Variants in MTHFD2L observed in about 807,000 individuals in gnomAD.
MTHFD2L encodes bifunctional methylenetetrahydrofolate dehydrogenase/cyclohydrolase 2, mitochondrial.
MTHFD2L carries 29 observed loss-of-function variants against 34.9 expected under a neutral mutation model. The ratio of observed to expected loss-of-function variants is 0.83; its 90% CI spans 0.62 to 1.13. The LOEUF is 1.13. Ranked by LOEUF, MTHFD2L falls within the 50% of genes most tolerant of loss-of-function variation. MTHFD2L has a pLI of 0.00. For synonymous variants in MTHFD2L, 167 were observed against 155.7 expected, an observed-to-expected ratio of 1.07 and a Z score of -0.54; for missense variants, 481 against 446.5, an observed-to-expected ratio of 1.08 and a Z score of -0.70.
chr4:74,289,382 A>G (rs1432604636), intron 7 of MTHFD2L, among the ~76,000 whole-genome samples: 3 of 152,124 alleles, frequency 2.0e-5, no homozygotes, highest in African/African-American at 7.2e-5. Context: ...GGCGGTTTTT[A>G]TGAGCTGCAA....
At chr4:74,209,032 T>C (rs773641737) in intron 5 of MTHFD2L, among the ~76,000 whole-genome samples, 1 of 151,704 alleles carries the variant, frequency 6.6e-6, no homozygotes, top group Non-Finnish European at 1.5e-5. Flanking sequence ...CCATTTGGAG[T>C]ATGATGGCCT....
At position 74,199,932 on chromosome 4, in the gene MTHFD2L, T is replaced by G. The variant is rs754197550; in HGVS notation, c.590T>G (p.Ile197Arg). 13 of 1,613,880 alleles carry G rather than the reference T, an allele frequency of 8.1e-6. No individual in the cohort carries two copies. In the South Asian group the frequency reaches 1.3e-4, roughly 16 times the overall value. The change falls in exon 4 of 8, where the codon ATA becomes AGA. Residue 197 changes from isoleucine (I) to arginine (R), a missense_variant. Transcript: ENST00000325278. The stretch of plus-strand genomic sequence containing the variant: ...GCCACTGCCAGTGCTGTTTGGGAAA[T>G]AATAAAAAGAACAGGTTGGTAATTT... ...IPATASAVWEIIKRTGIQTFG... is the reference protein window; with the variant it reads ...IPATASAVWERIKRTGIQTFG...
chr4:74,254,827 T>C (rs2110207695), intron 6 of MTHFD2L, among the ~76,000 whole-genome samples: 1 of 15,682 alleles, frequency 6.4e-5, no homozygotes. Flanking sequence ...AAAGTAAAAG[T>C]AATTAGCTGC....
intron 6 of MTHFD2L, among the ~76,000 whole-genome samples, chr4:74,227,087 C>T (rs1008886255): frequency 1.3e-5 from 2 of 152,028 alleles, no homozygotes; most frequent in Non-Finnish European, 2.9e-5. Context: ...GATGGCCTCA[C>T]CTGTGTTCCT....
chr4:74,280,814 C>T (rs1289877675), intron 6 of MTHFD2L, among the ~76,000 whole-genome samples: 1 of 151,634 alleles, frequency 6.6e-6, no homozygotes, highest in African/African-American at 2.4e-5. Context: ...ATACGGACAT[C>T]GTGATTCAAA....
rs150013939 is a variant in MTHFD2L, at chr4:74,127,661, T to G, written c.-297+2144T>G. Among the ~76,000 whole-genome samples the G allele has an allele frequency of 3.7e-3, 567 of 152,278 alleles. 5 individuals carry two copies. Among genetic ancestry groups the G allele is most frequent in the African/African-American group, 0.013 (535 of 41,562 alleles). The stretch of plus-strand genomic sequence containing the variant: ...TATACACTCATCCATTGATGGACAC[T>G]TAGGTTGATTACATATTTTGTCTAT... On this transcript the variant is annotated intron_variant, in intron 1 of 7. Transcript: ENST00000433372.
chr4:74,301,238 T>TTGAAA (rs1750277480), intron 7 of MTHFD2L, among the ~76,000 whole-genome samples: 1 of 152,104 alleles, frequency 6.6e-6, no homozygotes, highest in South Asian at 2.1e-4. Flanking sequence ...TAGACTTGAA[T>TTGAAA]TGAAATGTAT....
chr4:74,157,601 C>G (rs1248250511), upstream of MTHFD2L: 1 of 453,096 alleles, frequency 2.2e-6, no homozygotes, highest in African/African-American at 2.0e-5. Context: ...AAGTCCAGAC[C>G]TTCCTTGTTC....
chr4:74,128,964 G>T (rs1032636645), intron 1 of MTHFD2L, among the ~76,000 whole-genome samples: 1 of 152,030 alleles, frequency 6.6e-6, no homozygotes, highest in Non-Finnish European at 1.5e-5. Context: ...GTTGTTCTGA[G>T]ACTCTTCTCT....
intron 7 of MTHFD2L, among the ~76,000 whole-genome samples, chr4:74,283,231 G>A (rs1393212246): frequency 1.3e-5 from 2 of 152,124 alleles, no homozygotes; most frequent in Non-Finnish European, 2.9e-5. Context: ...TTCTCTCATA[G>A]AGTATTTTTT....
At chr4:74,293,485 A>C in intron 7 of MTHFD2L, 1 of 978,934 alleles carries the variant, frequency 1.0e-6, no homozygotes, top group Non-Finnish European at 1.2e-6. Flanking sequence ...ATTACTGACC[A>C]CAGGATGCCA....
chr4:74,129,949 T>C (rs989904977), intron 1 of MTHFD2L, among the ~76,000 whole-genome samples: 1 of 152,048 alleles, frequency 6.6e-6, no homozygotes, highest in African/African-American at 2.4e-5. Context: ...CAGAGAATAC[T>C]ATAAACACCT....
intron 3 of MTHFD2L, among the ~76,000 whole-genome samples, chr4:74,198,559 T>C (rs907016728): frequency 4.6e-5 from 7 of 152,154 alleles, no homozygotes; most frequent in African/African-American, 1.7e-4. Flanking sequence ...GCGTGAGTGG[T>C]AGGTGATTTA....
chr4:74,248,045 A>G (rs1742746122), intron 6 of MTHFD2L, among the ~76,000 whole-genome samples: 1 of 152,096 alleles, frequency 6.6e-6, no homozygotes, highest in Admixed American at 6.6e-5. Flanking sequence ...GAATAGTTTC[A>G]GAAGGAATGG....
intron 5 of MTHFD2L, among the ~76,000 whole-genome samples, chr4:74,211,325 A>G (rs1308207334): frequency 6.6e-6 from 1 of 152,202 alleles, no homozygotes; most frequent in Admixed American, 6.5e-5. Context: ...TGGGTTTGTC[A>G]TAAATAGCTC....
chr4:74,298,971 T>A (rs1336450499), intron 7 of MTHFD2L, among the ~76,000 whole-genome samples: 1 of 151,970 alleles, frequency 6.6e-6, no homozygotes, highest in Non-Finnish European at 1.5e-5. Flanking sequence ...TCCTCATCTA[T>A]TAAAATGAAA....
intron 5 of MTHFD2L, among the ~76,000 whole-genome samples, chr4:74,203,002 C>A (rs1196619597): frequency 6.6e-6 from 1 of 152,096 alleles, no homozygotes; most frequent in African/African-American, 2.4e-5. Context: ...TGACATGATA[C>A]TTATGACATA....
At chr4:74,125,330 T>C (rs922857764), upstream of MTHFD2L, 3 of 152,166 alleles carry the variant, frequency 2.0e-5, no homozygotes, top group Non-Finnish European at 4.4e-5. Flanking sequence ...AAAAATCCTG[T>C]TGGGATCATT....
At chr4:74,269,480 G>A (rs1052555048) in intron 6 of MTHFD2L, among the ~76,000 whole-genome samples, 3 of 151,804 alleles carry the variant, frequency 2.0e-5, no homozygotes, top group African/African-American at 7.3e-5. Context: ...CATAATGGGA[G>A]TTTACAGCAG....
Sources: allele counts gnomAD v4.1 joint callset (sites outside exome capture counted in the v4.1 genomes callset), GRCh38; gene constraint gnomAD v4.1.1; transcripts MANE v1.5; gene names NCBI Gene and HGNC (gene_info 2026-07-23, HGNC 2026-07-21).